Variants in FARS2 observed in about 807,000 individuals in gnomAD.
The protein encoded by FARS2 is phenylalanyl-tRNA synthetase 2, mitochondrial, also known as phenylalanine--tRNA ligase, mitochondrial.
Under a neutral mutation model 46.4 loss-of-function variants are expected in FARS2, and 40 were observed. That is an observed-to-expected ratio of 0.86 (90% CI 0.67 to 1.12). FARS2 has a LOEUF of 1.12. Among genes scored for constraint, FARS2 ranks in the 50% most tolerant of loss-of-function variants. The probability of loss-of-function intolerance (pLI) is 0.00; values close to 1 mark genes in which losing one functional copy is unlikely to be tolerated. For synonymous variants in FARS2, 234 were observed against 214.9 expected (o/e 1.09, Z -0.78); for missense variants, 513 against 567.9 (o/e 0.90, Z 0.98).
At chr6:5,697,881 C>G (rs1758198816) in intron 6 of FARS2, among the ~76,000 whole-genome samples, 2 of 151,554 alleles carry the variant, frequency 1.3e-5, no homozygotes, top group Non-Finnish European at 2.9e-5. Context: ...AAAAGCAACA[C>G]TTGTTTTTTT....
intron 5 of FARS2, among the ~76,000 whole-genome samples, chr6:5,569,764 A>T (rs1363553921): frequency 6.6e-6 from 1 of 152,172 alleles, no homozygotes; most frequent in African/African-American, 2.4e-5. Flanking sequence ...GGGGAGGTGA[A>T]GTCAGGGCAT....
chr6:5,614,367 C>T (rs1196113579), intron 6 of FARS2, among the ~76,000 whole-genome samples: 2 of 151,810 alleles, frequency 1.3e-5, no homozygotes, highest in Admixed American at 6.6e-5. Flanking sequence ...CTGGCTCCCA[C>T]GTTATATCCT....
chr6:5,579,481 C>G (rs1773200249), intron 5 of FARS2, among the ~76,000 whole-genome samples: 1 of 152,122 alleles, frequency 6.6e-6, no homozygotes, highest in African/African-American at 2.4e-5. Flanking sequence ...ACCATGTTGG[C>G]CAGGCTGGTC....
chr6:5,364,203 TA>T (rs1331236934), intron 1 of FARS2, among the ~76,000 whole-genome samples: 6 of 152,198 alleles, frequency 3.9e-5, no homozygotes, highest in African/African-American at 1.4e-4. Context: ...ATGAGTTAAT[TA>T]GCTGATGAAC....
intron 4 of FARS2, among the ~76,000 whole-genome samples, chr6:5,520,998 T>C (rs1769099317): frequency 6.6e-6 from 1 of 152,188 alleles, no homozygotes; most frequent in Non-Finnish European, 1.5e-5. Context: ...AGAGTGATAG[T>C]CTTGTTCCTG....
intron 6 of FARS2, among the ~76,000 whole-genome samples, chr6:5,706,541 C>G (rs923180787): frequency 6.6e-6 from 1 of 152,178 alleles, no homozygotes; most frequent in African/African-American, 2.4e-5. Context: ...TGCTACTTAC[C>G]CTGCCTGGGA....
intron 6 of FARS2, among the ~76,000 whole-genome samples, chr6:5,754,277 C>T (rs1166554191): frequency 6.6e-6 from 1 of 152,208 alleles, no homozygotes; most frequent in African/African-American, 2.4e-5. Flanking sequence ...CTCAGCCCTT[C>T]TGCTGTTTTG....
At chr6:5,386,868 C>T (rs868110907) in intron 2 of FARS2, among the ~76,000 whole-genome samples, 1 of 152,136 alleles carries the variant, frequency 6.6e-6, no homozygotes, top group Middle Eastern at 3.4e-3. Context: ...CTGGCACAGT[C>T]GCCTGGGGTG....
chr6:5,538,672 C>T (rs1045204157), intron 4 of FARS2, among the ~76,000 whole-genome samples: 2 of 152,228 alleles, frequency 1.3e-5, no homozygotes, highest in Non-Finnish European at 2.9e-5. Flanking sequence ...AGAGTGGTCA[C>T]GTCCTTCACA....
chr6:5,337,906 G>T (rs562093430), intron 1 of FARS2, among the ~76,000 whole-genome samples: 1 of 152,184 alleles, frequency 6.6e-6, no homozygotes, highest in East Asian at 1.9e-4. Flanking sequence ...GTGAAGAAAG[G>T]CTTCTGGGAA....
intron 4 of FARS2, among the ~76,000 whole-genome samples, chr6:5,457,282 TTGAATGGCAG>T (rs1764952599): frequency 6.6e-6 from 1 of 152,194 alleles, no homozygotes; most frequent in Non-Finnish European, 1.5e-5. Context: ...GGCATGGGTA[TTGAATGGCAG>T]TGCCATCAGA....
At chr6:5,746,022 C>T (rs1002933082) in intron 6 of FARS2, among the ~76,000 whole-genome samples, 4 of 152,152 alleles carry the variant, frequency 2.6e-5, no homozygotes, top group Non-Finnish European at 5.9e-5. Flanking sequence ...TAAGGATGTT[C>T]CTCTCCAATT....
At chr6:5,500,171 G>A (rs935133833) in intron 4 of FARS2, among the ~76,000 whole-genome samples, 8 of 152,090 alleles carry the variant, frequency 5.3e-5, no homozygotes, top group African/African-American at 1.9e-4. Flanking sequence ...TTATTTCATT[G>A]TGCTGCCTCC....
chr6:5,606,115 A>G (rs1341029567), intron 5 of FARS2, among the ~76,000 whole-genome samples: 14 of 152,074 alleles, frequency 9.2e-5, no homozygotes. Context: ...AATGAAAGGA[A>G]TGGCAGAGAA....
chr6:5,388,636 C>G (rs1760291695), intron 2 of FARS2, among the ~76,000 whole-genome samples: 1 of 152,008 alleles, frequency 6.6e-6, no homozygotes, highest in East Asian at 1.9e-4. Flanking sequence ...CAGCAAAACA[C>G]AGAATTAAGA....
rs201335757 is a variant in FARS2 at position 5,541,561 on chromosome 6, C to G, written c.905-3619C>G. 2.0e-5 allele frequency among the ~76,000 whole-genome samples: 3 copies of G among 152,256 alleles called. No homozygotes were observed. The East Asian group carries it at 5.8e-4, about 29-fold the overall frequency. On this transcript the variant is annotated intron_variant, in intron 4 of 6. Transcript: ENST00000274680. ...GTAGATAATCTTTAGTGACTAATCT[C>G]TTTTTGTTAAACATAATTCTTTTGA...
rs549164619 is a variant in FARS2 at position 5,644,710 on chromosome 6, A to G, written c.1217+31390A>G. On this transcript the variant is annotated intron_variant, in intron 6 of 6. Transcript: ENST00000274680. Reference sequence around the variant, plus strand: ...GAAAGCTTGGACATTCTGAAGTTTGACCTACCTGTTCTAAACTATCATTGG... The same window carrying G: ...GAAAGCTTGGACATTCTGAAGTTTGGCCTACCTGTTCTAAACTATCATTGG... Among the ~76,000 whole-genome samples, 4 of 152,292 alleles carry G rather than the reference A, an allele frequency of 2.6e-5. No individual in the cohort carries two copies. In the East Asian group the frequency reaches 5.8e-4, roughly 22 times the overall value.
At chr6:5,381,707 G>A (rs531619599) in intron 2 of FARS2, among the ~76,000 whole-genome samples, 14 of 152,300 alleles carry the variant, frequency 9.2e-5, no homozygotes, top group African/African-American at 2.9e-4. Flanking sequence ...AAGTAGCAAC[G>A]GAAGTTAGGG....
intron 1 of FARS2, among the ~76,000 whole-genome samples, chr6:5,291,787 A>G (rs1767524779): frequency 6.6e-6 from 1 of 152,154 alleles, no homozygotes; most frequent in Admixed American, 6.5e-5. Flanking sequence ...TTAAATATTG[A>G]ATATATTTAA....
Sources: allele counts gnomAD v4.1 joint callset (sites outside exome capture counted in the v4.1 genomes callset), GRCh38; gene constraint gnomAD v4.1.1; transcripts MANE v1.5; gene names NCBI Gene and HGNC (gene_info 2026-07-23, HGNC 2026-07-21).